The following PTGER3 variants were observed in gnomAD, a reference collection of about 807,000 sequenced individuals.
PTGER3 encodes the protein prostaglandin E2 receptor EP3 subtype.
PTGER3 carries 22 observed loss-of-function variants against 34.7 expected under a neutral mutation model. That is an observed-to-expected ratio of 0.63 (90% CI 0.45 to 0.91). The LOEUF is 0.91. PTGER3 is among the 40% of genes least tolerant of loss of function. The pLI, the probability that PTGER3 is intolerant of heterozygous loss-of-function variation, is 0.00. For missense variants in PTGER3, 468 were observed against 519.4 expected, an observed-to-expected ratio of 0.90 and a Z score of 0.96; for synonymous variants, 241 against 230.1, an observed-to-expected ratio of 1.05 and a Z score of -0.43.
intron 4 of PTGER3, among the ~76,000 whole-genome samples, chr1:70,882,558 G>A (rs1258466657): frequency 6.6e-6 from 1 of 152,214 alleles, no homozygotes; most frequent in Non-Finnish European, 1.5e-5. Context: ...GAGCTATGGT[G>A]ACAGTGCTGG....
downstream of PTGER3, among the ~76,000 whole-genome samples, chr1:70,968,661 C>A (rs905873683): frequency 6.6e-6 from 1 of 151,664 alleles, no homozygotes; most frequent in African/African-American, 2.4e-5. Context: ...GTTCTCTGTA[C>A]CTGCTCAATT....
At chr1:70,888,627 ACTATGTTT>A (rs767714971) in intron 4 of PTGER3, among the ~76,000 whole-genome samples, 21 of 152,160 alleles carry the variant, frequency 1.4e-4, no homozygotes, top group Non-Finnish European at 2.9e-4. Context: ...CATAACAGCA[ACTATGTTT>A]CCTTTAACCT....
At position 71,025,572 on chromosome 1, in the gene PTGER3, G is replaced by A. The variant is rs540214835; in HGVS notation, c.898-13088C>T. ...GTTATATATGATTCTAGCACTCCTT[G>A]CTTATAGAAGTTTTGCCCAAAAATA... On this transcript the variant is annotated intron_variant, in intron 1 of 3. Coordinates refer to ENST00000306666, the MANE Select transcript of PTGER3 (RefSeq NM_198719.2). 3.9e-5 allele frequency among the ~76,000 whole-genome samples: 6 copies of A among 152,176 alleles called. No homozygotes were observed. In the East Asian group the frequency reaches 1.2e-3, roughly 29 times the overall value.
chr1:71,019,375 C>T (rs181549237), intron 1 of PTGER3, among the ~76,000 whole-genome samples: 6 of 152,272 alleles, frequency 3.9e-5, no homozygotes, highest in East Asian at 3.9e-4. Context: ...TCTAGCTGAA[C>T]GGAGCTGCAG....
In PTGER3 at chr1:71,047,146, C is replaced by T; in HGVS notation, c.432G>A (p.Ser144=). 2 of 1,601,100 alleles carry T rather than the reference C, an allele frequency of 1.2e-6. No homozygotes were observed. Among genetic ancestry groups the T allele is most frequent in the Non-Finnish European group, 1.7e-6 (2 of 1,174,098 alleles). Residue 144 remains serine, a synonymous_variant, in exon 1 of 4, where the codon TCG becomes TCA. Transcript: ENST00000306666. Reference sequence around the variant, plus strand: ...CGGCCATGGCGCTGGCGATGAACAACGAGGAGAGCCCGAAAACAGTCATGG... The same window carrying T: ...CGGCCATGGCGCTGGCGATGAACAATGAGGAGAGCCCGAAAACAGTCATGG... ...GLTMTVFGLS[S]LFIASAMAVE... is the part of the protein sequence containing the mutation.
chr1:70,993,971 C>T (rs1655698104), intron 2 of PTGER3, among the ~76,000 whole-genome samples: 1 of 152,106 alleles, frequency 6.6e-6, no homozygotes, highest in Non-Finnish European at 1.5e-5. Flanking sequence ...AGTGTTTTTT[C>T]ACTCTTTATC....
At chr1:70,853,857 A>C (rs901726398) in intron 4 of PTGER3, among the ~76,000 whole-genome samples, 1 of 152,196 alleles carries the variant, frequency 6.6e-6, no homozygotes, top group Non-Finnish European at 1.5e-5. Context: ...GAGTGCCAAA[A>C]CCATACAATG....
chr1:70,947,118 C>A (rs989218368), intron 4 of PTGER3, among the ~76,000 whole-genome samples: 12 of 152,098 alleles, frequency 7.9e-5, no homozygotes, highest in Admixed American at 3.3e-4. Context: ...GATAAAAATT[C>A]TTACTCTCAG....
chr1:70,862,208 A>G, intron 4 of PTGER3: 5 of 647,538 alleles, frequency 7.7e-6, no homozygotes, highest in Non-Finnish European at 1.1e-5. Flanking sequence ...TCCTGAATTT[A>G]TGAAATGAGA....
chr1:70,988,312 G>T (rs1655112254), intron 2 of PTGER3, among the ~76,000 whole-genome samples: 1 of 152,120 alleles, frequency 6.6e-6, no homozygotes, highest in South Asian at 2.1e-4. Context: ...ACCATTCTCA[G>T]ACTATGGCAG....
At chr1:70,945,104 G>T (rs567952838) in intron 4 of PTGER3, among the ~76,000 whole-genome samples, 1 of 152,064 alleles carries the variant, frequency 6.6e-6, no homozygotes. Context: ...ACCCACAGGG[G>T]CTTGATTGAC....
chr1:70,983,215 T>C (rs9424957), intron 2 of PTGER3, among the ~76,000 whole-genome samples: 33,101 of 151,292 alleles, frequency 0.22, 3,750 homozygotes, highest in Middle Eastern at 0.28. Flanking sequence ...CCTGGAATCA[T>C]CAGAGTGCTC....
Position 70,971,580 on chromosome 1 carries a change from G to C in PTGER3, c.*150C>G. ...ATAATAATAAAGTTGATCTCCATGG[G>C]TATTACTGACAAAACAATCATTAAA... is the stretch of plus-strand genomic sequence containing the variant. On this transcript the variant is annotated 3_prime_UTR_variant, in exon 4 of 4. Coordinates refer to ENST00000306666, the MANE Select transcript of PTGER3 (RefSeq NM_198719.2). 11 of 1,322,560 alleles carry C rather than the reference G, an allele frequency of 8.3e-6. No individual in the cohort carries two copies. The highest frequency in any genetic ancestry group is 1.1e-5 in the Non-Finnish European group (11 of 1,030,672). The allele number at this position is 1,322,560 out of a possible 1,614,324, so 81.9% of individuals were successfully genotyped here.
intron 4 of PTGER3, among the ~76,000 whole-genome samples, chr1:70,870,378 C>T (rs922267224): frequency 1.3e-5 from 2 of 152,060 alleles, no homozygotes; most frequent in African/African-American, 4.8e-5. Flanking sequence ...CTCTGAAATG[C>T]TTTCAAAATT....
chr1:70,901,718 T>G (rs1408714334), intron 4 of PTGER3, among the ~76,000 whole-genome samples: 1 of 152,092 alleles, frequency 6.6e-6, no homozygotes, highest in Non-Finnish European at 1.5e-5. Flanking sequence ...TTTTGAAAAA[T>G]CATGAAGGCA....
intron 4 of PTGER3, among the ~76,000 whole-genome samples, chr1:70,855,507 T>A (rs909585090): frequency 1.1e-4 from 17 of 152,340 alleles, no homozygotes; most frequent in African/African-American, 3.8e-4. Context: ...ACCATAATTT[T>A]AAAAATAAAT....
chr1:70,871,184 A>G (rs1646155190), intron 4 of PTGER3, among the ~76,000 whole-genome samples: 1 of 152,184 alleles, frequency 6.6e-6, no homozygotes, highest in Non-Finnish European at 1.5e-5. Context: ...GGGAGGCCTC[A>G]GGGAGCTTTT....
chr1:70,871,797 A>C (rs990868402), intron 4 of PTGER3, among the ~76,000 whole-genome samples: 1 of 152,038 alleles, frequency 6.6e-6, no homozygotes, highest in Admixed American at 6.5e-5. Context: ...ATTTTTTTTT[A>C]ATCTTAGGGC....
intron 4 of PTGER3, among the ~76,000 whole-genome samples, chr1:70,909,562 T>G (rs1557647778): frequency 6.6e-6 from 1 of 152,176 alleles, no homozygotes; most frequent in African/African-American, 2.4e-5. Flanking sequence ...AGCAGCAGTA[T>G]TTTTGAAGCT....
Sources: gnomAD v4.1 joint callset for allele counts (sites outside exome capture counted in the v4.1 genomes callset) on GRCh38, gnomAD v4.1.1 for gene constraint, MANE v1.5 for transcripts, NCBI Gene and HGNC (gene_info 2026-07-23, HGNC 2026-07-21) for gene names.